Variants in FHIT observed in about 807,000 individuals in gnomAD.
FHIT encodes the protein bis(5'-adenosyl)-triphosphatase.
Under a neutral mutation model 17.9 loss-of-function variants are expected in FHIT, and 19 were observed. That is an observed-to-expected ratio of 1.06 (90% CI 0.74 to 1.56). The LOEUF (loss-of-function observed/expected upper bound fraction) is 1.56, where lower values mean the gene tolerates loss of function less well. Among genes scored for constraint, FHIT ranks in the 40% most tolerant of loss-of-function variants. The probability of loss-of-function intolerance (pLI) is 0.00; values close to 1 mark genes in which losing one functional copy is unlikely to be tolerated. For synonymous variants in FHIT, 81 were observed against 69.7 expected (o/e 1.16, Z -0.81); for missense variants, 248 against 189.2 (o/e 1.31, Z -1.82).
intron 4 of FHIT, among the ~76,000 whole-genome samples, chr3:60,554,844 T>C (rs532560703): frequency 6.6e-6 from 1 of 152,324 alleles, no homozygotes; most frequent in Non-Finnish European, 1.5e-5. Context: ...CCTGAATTGT[T>C]GGCAATATTC....
intron 5 of FHIT, among the ~76,000 whole-genome samples, chr3:60,439,231 C>T (rs1283949023): frequency 6.6e-6 from 1 of 152,042 alleles, no homozygotes; most frequent in Admixed American, 6.6e-5. Flanking sequence ...TCCAACCAGT[C>T]AATTCATATT....
At chr3:60,718,560 T>C (rs2041739009) in intron 4 of FHIT, among the ~76,000 whole-genome samples, 1 of 152,176 alleles carries the variant, frequency 6.6e-6, no homozygotes, top group South Asian at 2.1e-4. Flanking sequence ...TAGGTTATAA[T>C]GTTCTTCTAG....
intron 5 of FHIT, among the ~76,000 whole-genome samples, chr3:60,281,919 A>G (rs915726927): frequency 1.3e-5 from 2 of 152,206 alleles, no homozygotes; most frequent in African/African-American, 2.4e-5. Context: ...TATTAACATC[A>G]TATGTCATTA....
intron 5 of FHIT, among the ~76,000 whole-genome samples, chr3:60,445,172 C>A (rs2687157): frequency 0.96 from 145,876 of 152,076 alleles, 70,247 homozygotes; most frequent in East Asian, 1. Flanking sequence ...ACAGTTTCCC[C>A]GGCCCTATCT....
chr3:60,326,328 G>A lies in FHIT; in HGVS notation c.103+210532C>T, dbSNP rs376065881. On this transcript the variant is annotated intron_variant, in intron 5 of 9. Coordinates refer to ENST00000492590, the MANE Select transcript of FHIT (RefSeq NM_002012.4). ...CTTGTGACTAGCTGGTCCCATCTGG[G>A]GGTGATGGGAGACAGTGACAGATCA... 3.8e-3 allele frequency among the ~76,000 whole-genome samples: 577 copies of A among 152,164 alleles called. 4 individuals carry two copies. Among genetic ancestry groups the A allele is most frequent in the African/African-American group, 0.012 (488 of 41,500 alleles).
chr3:60,538,154 C>G (rs563999794), intron 4 of FHIT, among the ~76,000 whole-genome samples: 1 of 152,252 alleles, frequency 6.6e-6, no homozygotes, highest in Admixed American at 6.5e-5. Context: ...TAACAGACAA[C>G]AGAGAGCAAA....
At chr3:60,906,074 G>A (rs1403369588) in intron 3 of FHIT, among the ~76,000 whole-genome samples, 4 of 152,048 alleles carry the variant, frequency 2.6e-5, no homozygotes, top group Non-Finnish European at 2.9e-5. Flanking sequence ...TCACATCAAC[G>A]TAAATAATCA....
chr3:60,155,160 T>A (rs1360768598), intron 5 of FHIT, among the ~76,000 whole-genome samples: 2 of 130,262 alleles, frequency 1.5e-5, no homozygotes, highest in East Asian at 2.1e-4. Context: ...CACTACAGCC[T>A]GGGTGACAGA....
intron 4 of FHIT, among the ~76,000 whole-genome samples, chr3:60,728,463 G>A (rs943797788): frequency 1.3e-5 from 2 of 151,852 alleles, no homozygotes; most frequent in Non-Finnish European, 2.9e-5. Flanking sequence ...GTTTTTGCAG[G>A]TAAAATGAGA....
chr3:60,571,965 C>T (rs987175286), intron 4 of FHIT, among the ~76,000 whole-genome samples: 3 of 152,080 alleles, frequency 2.0e-5, no homozygotes, highest in Non-Finnish European at 4.4e-5. Context: ...TTGGTCATTG[C>T]TTTTTATTTA....
At chr3:61,154,478 A>AT (rs78142518) in intron 2 of FHIT, among the ~76,000 whole-genome samples, 18,320 of 151,930 alleles carry the variant, frequency 0.12, 1,191 homozygotes, top group Non-Finnish European at 0.15. Flanking sequence ...AAATTTTGTT[A>AT]TTTTTTTTCC....
At chr3:60,417,132 C>A (rs556689664) in intron 5 of FHIT, among the ~76,000 whole-genome samples, 1 of 151,522 alleles carries the variant, frequency 6.6e-6, no homozygotes, top group African/African-American at 2.4e-5. Context: ...ACTATTAGAT[C>A]ATCAATAGAG....
At position 60,470,058 on chromosome 3, in the gene FHIT, T is replaced by TTCTCTCTCTCTCTCTCTCTCTCTCTCTC. The variant is rs796525437; in HGVS notation, c.103+66801_103+66802insGAGAGAGAGAGAGAGAGAGAGAGAGAGA. 4.1e-4 allele frequency among the ~76,000 whole-genome samples: 58 copies of TTCTCTCTCTCTCTCTCTCTCTCTCTCTC among 143,036 alleles called. 1 individual carries two copies. The highest frequency in any genetic ancestry group is 1.5e-3 in the African/African-American group (54 of 37,116). The allele number at this position is 143,036 out of a possible 152,430, so 93.8% of individuals were successfully genotyped here. ...TCTCTCCCCTCTCCTCTCTCTTTCT[T>TTCTCTCTCTCTCTCTCTCTCTCTCTCTC]TCTCTCTCTCTCTCTCTCTCTCCAG... On this transcript the variant is annotated intron_variant, in intron 5 of 9. Transcript: ENST00000492590.
intron 5 of FHIT, among the ~76,000 whole-genome samples, chr3:60,454,737 T>A (rs2031979470): frequency 6.6e-6 from 1 of 152,086 alleles, no homozygotes; most frequent in African/African-American, 2.4e-5. Flanking sequence ...GGGCCACCAT[T>A]TCTTGTGCAC....
intron 5 of FHIT, among the ~76,000 whole-genome samples, chr3:60,447,853 G>A (rs1399173164): frequency 1.3e-5 from 2 of 152,170 alleles, no homozygotes; most frequent in Non-Finnish European, 2.9e-5. Context: ...GAAGACGTAT[G>A]TAGTAAAGAT....
At chr3:60,159,915 G>A (rs1178702353) in intron 5 of FHIT, among the ~76,000 whole-genome samples, 1 of 152,152 alleles carries the variant, frequency 6.6e-6, no homozygotes, top group Non-Finnish European at 1.5e-5. Flanking sequence ...GTGCACAAAT[G>A]AGCAAACGAG....
intron 3 of FHIT, among the ~76,000 whole-genome samples, chr3:60,847,150 A>G (rs376431364): frequency 6.6e-6 from 1 of 152,194 alleles, no homozygotes; most frequent in Admixed American, 6.5e-5. Flanking sequence ...AAGCAAAAGC[A>G]TCATCCACAG....
chr3:60,256,225 A>C (rs975442827), intron 5 of FHIT, among the ~76,000 whole-genome samples: 2 of 152,162 alleles, frequency 1.3e-5, no homozygotes, highest in Non-Finnish European at 2.9e-5. Flanking sequence ...AAATGAGCAA[A>C]GTTTAAGAAC....
At chr3:60,037,645 G>T (rs1297082417) in intron 5 of FHIT, among the ~76,000 whole-genome samples, 5 of 151,880 alleles carry the variant, frequency 3.3e-5, no homozygotes, top group African/African-American at 1.2e-4. Context: ...GCCTCTCAAA[G>T]TGCTGGGATT....
Sources: gnomAD v4.1 joint callset for allele counts (sites outside exome capture counted in the v4.1 genomes callset) on GRCh38, gnomAD v4.1.1 for gene constraint, MANE v1.5 for transcripts, NCBI Gene and HGNC (gene_info 2026-07-23, HGNC 2026-07-21) for gene names.